The following SLC25A48 variants were observed in gnomAD, a reference collection of about 807,000 sequenced individuals.
SLC25A48 encodes CTC-321K16.1.
SLC25A48 carries 29 observed loss-of-function variants against 32.2 expected under a neutral mutation model. That is an observed-to-expected ratio of 0.90 (90% CI 0.67 to 1.23). SLC25A48 has a LOEUF of 1.23. SLC25A48 is among the 50% of genes most tolerant of loss of function. The pLI is 0.00. For missense variants in SLC25A48, 399 were observed against 422.7 expected (o/e 0.94, Z 0.49); for synonymous variants, 164 against 172.3 (o/e 0.95, Z 0.38).
intron 3 of SLC25A48, among the ~76,000 whole-genome samples, chr5:135,734,097 A>T (rs1278121965): frequency 6.6e-6 from 1 of 152,164 alleles, no homozygotes; most frequent in African/African-American, 2.4e-5. Context: ...TTTAAAGCCT[A>T]TTGTGGGATG....
At chr5:135,711,913 C>G (rs1439729899) in intron 3 of SLC25A48, among the ~76,000 whole-genome samples, 1 of 151,976 alleles carries the variant, frequency 6.6e-6, no homozygotes, top group Admixed American at 6.6e-5. Flanking sequence ...CACCCCTTCA[C>G]TGGCCCCCCT....
intron 4 of SLC25A48, chr5:135,822,293 T>A (rs979958485): frequency 1.3e-5 from 2 of 152,324 alleles, no homozygotes; most frequent in Admixed American, 6.5e-5. Flanking sequence ...CAAACCCACA[T>A]GAGTTAGTGT....
intron 3 of SLC25A48, among the ~76,000 whole-genome samples, chr5:135,800,149 G>T (rs1185713625): frequency 2.0e-5 from 3 of 151,644 alleles, no homozygotes; most frequent in South Asian, 2.1e-4. Flanking sequence ...TGTACAACCC[G>T]CCTGTGATAT....
intron 3 of SLC25A48, among the ~76,000 whole-genome samples, chr5:135,656,639 C>T (rs960263562): frequency 6.6e-6 from 1 of 152,142 alleles, no homozygotes; most frequent in Non-Finnish European, 1.5e-5. Flanking sequence ...GGGGTAATTG[C>T]AAATGTAATT....
At chr5:135,795,191 G>A (rs1757137846) in intron 3 of SLC25A48, among the ~76,000 whole-genome samples, 1 of 151,804 alleles carries the variant, frequency 6.6e-6, no homozygotes, top group Non-Finnish European at 1.5e-5. Context: ...CACCCACCAT[G>A]TGGTATTACT....
intron 1 of SLC25A48, among the ~76,000 whole-genome samples, chr5:135,836,983 A>T (rs11954826): frequency 0.015 from 224 of 15,134 alleles, 5 homozygotes; most frequent in African/African-American, 0.023. Context: ...CCCCCCCCCC[A>T]CACACACACA....
intron 3 of SLC25A48, among the ~76,000 whole-genome samples, chr5:135,790,366 A>G (rs189292452): frequency 6.6e-6 from 1 of 152,014 alleles, no homozygotes; most frequent in Admixed American, 6.6e-5. Flanking sequence ...ATGTGGGTGT[A>G]CATTCTGTGA....
At chr5:135,808,066 T>C (rs1232679612) in intron 3 of SLC25A48, among the ~76,000 whole-genome samples, 3 of 151,186 alleles carry the variant, frequency 2.0e-5, no homozygotes, top group Admixed American at 1.3e-4. Context: ...AATATCATAG[T>C]GTGTTAACAC....
chr5:135,790,473 G>A (rs1756997602), intron 3 of SLC25A48, among the ~76,000 whole-genome samples: 1 of 150,546 alleles, frequency 6.6e-6, no homozygotes, highest in African/African-American at 2.4e-5. Context: ...ATACTATAGG[G>A]GGATGTTACT....
At chr5:135,761,833 C>G (rs1242377930) in intron 3 of SLC25A48, among the ~76,000 whole-genome samples, 1 of 152,196 alleles carries the variant, frequency 6.6e-6, no homozygotes, top group Non-Finnish European at 1.5e-5. Context: ...ATTCCAGATC[C>G]TGCGCCCCCC....
intron 3 of SLC25A48, among the ~76,000 whole-genome samples, chr5:135,739,193 C>T (rs745605305): frequency 1.3e-5 from 2 of 152,124 alleles, no homozygotes; most frequent in Non-Finnish European, 1.5e-5. Context: ...TCATGGCTCA[C>T]TGGAGCCTTG....
chr5:135,662,124 G>A (rs1481788512), intron 3 of SLC25A48, among the ~76,000 whole-genome samples: 2 of 152,116 alleles, frequency 1.3e-5, no homozygotes, highest in African/African-American at 4.8e-5. Context: ...TTTGATTTTT[G>A]TCAGACTGCT....
At chr5:135,765,893 C>T (rs1457285349) in intron 3 of SLC25A48, among the ~76,000 whole-genome samples, 1 of 151,532 alleles carries the variant, frequency 6.6e-6, no homozygotes, top group Non-Finnish European at 1.5e-5. Flanking sequence ...CATACACCCT[C>T]CTGTGTTATG....
At chr5:135,860,730 T>C (rs1434062380) in intron 4 of SLC25A48, among the ~76,000 whole-genome samples, 1 of 152,218 alleles carries the variant, frequency 6.6e-6, no homozygotes, top group Non-Finnish European at 1.5e-5. Flanking sequence ...ACTGTGCTCA[T>C]GTGGGCATTT....
At chr5:135,688,327 C>T (rs1207740429) in intron 3 of SLC25A48, among the ~76,000 whole-genome samples, 1 of 151,472 alleles carries the variant, frequency 6.6e-6, no homozygotes, top group African/African-American at 2.4e-5. Context: ...TTTTTTTTAA[C>T]AGCCTCTGTG....
At chr5:135,778,407 G>A (rs1756624172) in intron 3 of SLC25A48, among the ~76,000 whole-genome samples, 2 of 151,776 alleles carry the variant, frequency 1.3e-5, no homozygotes, top group Admixed American at 1.3e-4. Flanking sequence ...GAAATGAGAA[G>A]ATGATATTAC....
At chr5:135,872,082 T>C in intron 5 of SLC25A48, 1 of 1,071,782 alleles carries the variant, frequency 9.3e-7, no homozygotes, top group Non-Finnish European at 1.2e-6. Context: ...TAGGAATCGG[T>C]TTCCCCATTT....
intron 3 of SLC25A48, among the ~76,000 whole-genome samples, chr5:135,789,359 C>T (rs1432983904): frequency 6.7e-6 from 1 of 149,936 alleles, no homozygotes; most frequent in East Asian, 2.0e-4. Context: ...CAACTTCCTG[C>T]CATATGATTT....
intron 3 of SLC25A48, among the ~76,000 whole-genome samples, chr5:135,720,686 C>G (rs1324114014): frequency 6.6e-6 from 1 of 152,100 alleles, no homozygotes; most frequent in Admixed American, 6.5e-5. Context: ...ATGATCATCT[C>G]CCCCAATCCA....
Sources: gnomAD v4.1 joint callset for allele counts (sites outside exome capture counted in the v4.1 genomes callset) on GRCh38, gnomAD v4.1.1 for gene constraint, MANE v1.5 for transcripts, NCBI Gene and HGNC (gene_info 2026-07-23, HGNC 2026-07-21) for gene names.